MRC2: variants seen among roughly 807,000 people sequenced by gnomAD.
MRC2 encodes C-type mannose receptor 2.
Under a neutral mutation model 206.2 loss-of-function variants are expected in MRC2, and 84 were observed. The observed-to-expected ratio is 0.41, with a 90% CI of 0.34 to 0.49. The LOEUF (loss-of-function observed/expected upper bound fraction) is 0.49, where lower values mean the gene tolerates loss of function less well. Ranked by LOEUF, MRC2 falls within the 20% of genes least tolerant of loss-of-function variation. The probability of loss-of-function intolerance (pLI) is 0.31; values close to 1 mark genes in which losing one functional copy is unlikely to be tolerated. For synonymous variants in MRC2, 798 were observed against 800.0 expected, an observed-to-expected ratio of 1.00 and a Z score of 0.04; for missense variants, 1,676 against 2,001.5, an observed-to-expected ratio of 0.84 and a Z score of 3.10.
chr17:62,680,776 C>A lies in MRC2; in HGVS notation c.2474-24C>A. ...GTGCAGCCTCTGCCTGGCCGCCGCT[C>A]CCACGCCCGCGCTGCTCCTGCAGGC... On this transcript the variant is annotated intron_variant, in intron 16 of 29. Transcript: ENST00000303375. The surrounding 1 kb of genome is among the most constrained non-coding windows in gnomAD (Gnocchi z 4.8). 6.4e-7 allele frequency: 1 copy of A among 1,567,616 alleles called. No homozygotes were observed. The highest frequency in any genetic ancestry group is 1.2e-5 in the South Asian group (1 of 84,088).
chr17:62,646,255 A>AC (rs1453773430), intron 1 of MRC2, among the ~76,000 whole-genome samples: 1 of 150,064 alleles, frequency 6.7e-6, no homozygotes, highest in Non-Finnish European at 1.5e-5. Context: ...TGATCTCCTG[A>AC]CCTCGTGATC....
chr17:62,629,141 A>G (rs1162863783), intron 1 of MRC2, among the ~76,000 whole-genome samples: 1 of 152,188 alleles, frequency 6.6e-6, no homozygotes, highest in Non-Finnish European at 1.5e-5. Context: ...AGGCCGGGTA[A>G]CCCCCTAACC....
chr17:62,681,306 G>C (rs567400711), intron 18 of MRC2, 177 bp downstream of exon 18: 2 of 687,396 alleles, frequency 2.9e-6, no homozygotes, highest in East Asian at 5.5e-5. Flanking sequence ...GGAATATGAG[G>C]CCTGCCTGGT....
intron 1 of MRC2, among the ~76,000 whole-genome samples, chr17:62,646,238 A>G (rs1355542523): frequency 6.6e-6 from 1 of 151,056 alleles, no homozygotes; most frequent in Non-Finnish European, 1.5e-5. Flanking sequence ...GTTGGCCAGG[A>G]TTGTCTTGAT....
chr17:62,671,632 CTCATGGG>C lies in MRC2; in HGVS notation c.1118-14_1118-8del, dbSNP rs748844059. 6.5e-7 allele frequency: 1 copy of C among 1,550,180 alleles called. No homozygotes were observed. The highest frequency in any genetic ancestry group is 8.7e-7 in the Non-Finnish European group (1 of 1,145,896). ...GGCGGCTCAGTCCCTGAGCAGCAGCCTCATGGGTCTCTGCAGACAGGTGGGCCAATGT... is the reference window on the plus strand; with the variant it reads ...GGCGGCTCAGTCCCTGAGCAGCAGCCTCTCTGCAGACAGGTGGGCCAATGT... On this transcript the variant is annotated splice_polypyrimidine_tract_variant and intron_variant, in intron 6 of 29. Coordinates refer to ENST00000303375, the MANE Select transcript of MRC2 (RefSeq NM_006039.5). The surrounding 1 kb of genome is among the most constrained non-coding windows in gnomAD (Gnocchi z 4.5).
At chr17:62,690,504 GCA>G (rs143847282) in intron 26 of MRC2, 136 bp from the exon 27 acceptor site, 876 of 1,376,416 alleles carry the variant, frequency 6.4e-4, no homozygotes, top group South Asian at 7.5e-4. Context: ...TTGCACATGT[GCA>G]CACACACACA....
At position 62,689,774 on chromosome 17, in the gene MRC2, A is replaced by G. The variant is rs56288724; in HGVS notation, c.3573+14A>G. On this transcript the variant is annotated intron_variant, in intron 24 of 29. Transcript: ENST00000303375. ...GCTGGCGAGGAGGTGGGCTCCCGAC[A>G]CTTTTGCCCTGGGCCCCAGCCTTGC... 0.4 allele frequency: 609,995 copies of G among 1,531,922 alleles called. 124,949 individuals carry two copies. Among genetic ancestry groups the G allele is most frequent in the Non-Finnish European group, 0.42 (477,998 of 1,138,652 alleles). 94.9% of individuals were successfully genotyped at this position (1,531,922 alleles called of 1,614,324 possible).
At chr17:62,631,983 T>C (rs1325724835) in intron 1 of MRC2, among the ~76,000 whole-genome samples, 2 of 152,144 alleles carry the variant, frequency 1.3e-5, no homozygotes, top group Non-Finnish European at 2.9e-5. Context: ...GCCTGAGCAC[T>C]GCTGATAGGA....
Position 62,680,927 on chromosome 17 carries a change from G to A in MRC2, c.2601G>A (p.Ala867=), listed in dbSNP as rs200537279. The A allele has an allele frequency of 2.1e-4, 335 of 1,613,042 alleles. 1 individual carries two copies. The highest frequency in any genetic ancestry group is 1.5e-3 in the Middle Eastern group (9 of 6,084). ...QAELTSVHSQ[A]ELDFLSHNLQ... ...AGCTGACCTCGGTGCACAGCCAGGC[G>A]GAGCTAGACTTCCTGAGCCACAACT... The change falls in exon 17 of 30, where the codon GCG becomes GCA. Residue 867 remains alanine (A), a synonymous_variant. Transcript: ENST00000303375. The surrounding 1 kb of genome is among the most constrained non-coding windows in gnomAD (Gnocchi z 4.8).
chr17:62,646,764 T>A (rs2088491530), intron 1 of MRC2, among the ~76,000 whole-genome samples: 1 of 152,250 alleles, frequency 6.6e-6, no homozygotes, highest in South Asian at 2.1e-4. Context: ...ATATATGAGT[T>A]CAAGTCCCGC....
chr17:62,669,085 A>C (rs2147469101), intron 6 of MRC2, among the ~76,000 whole-genome samples: 1 of 143,164 alleles, frequency 7.0e-6, no homozygotes, highest in East Asian at 2.1e-4. Flanking sequence ...AAAATATGGC[A>C]ACACACACAC....
chr17:62,651,357 C>T (rs1049038034), intron 1 of MRC2, among the ~76,000 whole-genome samples: 4 of 151,988 alleles, frequency 2.6e-5, no homozygotes, highest in African/African-American at 9.7e-5. Flanking sequence ...GCTGGGATTA[C>T]AGGCGTGAGC....
chr17:62,689,882 C>T lies in MRC2; in HGVS notation c.3574-12C>T, dbSNP rs777109044. ...ATTCCCTTCCTCCCACCCCATGGCC[C>T]CCCATGCCCAGGGCTCTCGGCGGTA... On this transcript the variant is annotated splice_polypyrimidine_tract_variant and intron_variant, in intron 24 of 29. Coordinates refer to ENST00000303375, the MANE Select transcript of MRC2 (RefSeq NM_006039.5). The T allele has an allele frequency of 8.2e-6, 13 of 1,581,384 alleles. No homozygotes were observed. The highest frequency in any genetic ancestry group is 1.0e-5 in the Non-Finnish European group (12 of 1,164,364).
At chr17:62,646,935 A>G (rs2088493896) in intron 1 of MRC2, among the ~76,000 whole-genome samples, 1 of 152,212 alleles carries the variant, frequency 6.6e-6, no homozygotes, top group African/African-American at 2.4e-5. Flanking sequence ...GGGTATGTAC[A>G]GTTGTTCTGG....
chr17:62,637,504 C>G (rs2088338340), intron 1 of MRC2, among the ~76,000 whole-genome samples: 1 of 150,840 alleles, frequency 6.6e-6, no homozygotes, highest in African/African-American at 2.4e-5. Flanking sequence ...CCATTGCACT[C>G]CAGCCTGGGT....
At chr17:62,644,816 C>G (rs985696137) in intron 1 of MRC2, among the ~76,000 whole-genome samples, 2 of 152,048 alleles carry the variant, frequency 1.3e-5, no homozygotes, top group African/African-American at 4.8e-5. Flanking sequence ...GGTCAGCCTC[C>G]GAGATTCTGC....
At chr17:62,674,226 G>A in intron 9 of MRC2, 56 bp downstream of exon 9, 1 of 1,335,270 alleles carries the variant, frequency 7.5e-7, no homozygotes, top group Non-Finnish European at 1.0e-6. Flanking sequence ...GGGGCTACCA[G>A]GGGAGGGAGA....
intron 1 of MRC2, among the ~76,000 whole-genome samples, chr17:62,633,677 GAA>G (rs761792736): frequency 2.6e-5 from 3 of 113,322 alleles, no homozygotes; most frequent in Non-Finnish European, 1.9e-5. Flanking sequence ...AGTCACTACA[GAA>G]AAAAAAAAAA....
In MRC2 at chr17:62,693,252, C is replaced by T. The variant is rs957711346; in HGVS notation, c.*801C>T. On this transcript the variant is annotated 3_prime_UTR_variant, in exon 30 of 30. Coordinates refer to ENST00000303375, the MANE Select transcript of MRC2 (RefSeq NM_006039.5). ...GACCAAAATAAGTTCCCTAACATCT[C>T]CAGCTCCTGGCTCTGGTTTGGAGCA... 6 of 152,490 alleles carry T rather than the reference C, an allele frequency of 3.9e-5. No individual in the cohort carries two copies. Among genetic ancestry groups the T allele is most frequent in the African/African-American group, 7.2e-5 (3 of 41,456 alleles). 9.4% of individuals were successfully genotyped at this position (152,490 alleles called of 1,614,324 possible).
Sources: allele counts gnomAD v4.1 joint callset (sites outside exome capture counted in the v4.1 genomes callset), GRCh38; gene constraint gnomAD v4.1.1; non-coding constraint Gnocchi (gnomAD v3.1); transcripts MANE v1.5; gene names NCBI Gene and HGNC (gene_info 2026-07-23, HGNC 2026-07-21).